Variants in ENOX2 observed in about 807,000 individuals in gnomAD.
The protein encoded by ENOX2 is ecto-NOX disulfide-thiol exchanger 2, also known as APK1 antigen.
ENOX2 carries 36 observed loss-of-function variants against 45.0 expected under a neutral mutation model. That is an observed-to-expected ratio of 0.80 (90% CI 0.61 to 1.06). The LOEUF is 1.06. Ranked by LOEUF, ENOX2 falls within the 50% of genes least tolerant of loss-of-function variation. The pLI is 0.00. For synonymous variants in ENOX2, 174 were observed against 152.3 expected (o/e 1.14, Z -1.05); for missense variants, 423 against 462.5 (o/e 0.91, Z 0.78).
intron 6 of ENOX2, 110 bp from the exon 7 acceptor site, chrX:130,670,308 C>A: frequency 1.8e-6 from 1 of 547,005 alleles, no homozygotes; most frequent in Non-Finnish European, 3.0e-6. Context: ...ACTATACATA[C>A]TTTTCCAAGT....
In ENOX2 at chrX:130,753,264, C is replaced by T; in HGVS notation, c.-39+30283G>A. 2.7e-5 allele frequency among the ~76,000 whole-genome samples: 3 copies of T among 109,887 alleles called. 1 individual carries two copies. The Middle Eastern group carries it at 0.014, about 509-fold the overall frequency. ...TCTATCTCTTCTGTTTCAGTGTGTC[C>T]CCATATCTCTCTCCTTGTTCCTCAC... On this transcript the variant is annotated intron_variant, in intron 3 of 14. Transcript: ENST00000394363.
At chrX:130,685,710 G>A (rs1312490486) in intron 5 of ENOX2, among the ~76,000 whole-genome samples, 1 of 111,978 alleles carries the variant, frequency 8.9e-6, no homozygotes, top group Non-Finnish European at 1.9e-5. Context: ...CCTTCCATGT[G>A]GAAGTGAACC....
intron 2 of ENOX2, among the ~76,000 whole-genome samples, chrX:130,863,154 T>G (rs1459537224): frequency 8.9e-6 from 1 of 112,381 alleles, no homozygotes; most frequent in Non-Finnish European, 1.9e-5. Context: ...GTTTTAATTA[T>G]GCATGTTTTC....
chrX:130,725,967 T>C (rs188338001), intron 3 of ENOX2, among the ~76,000 whole-genome samples: 1 of 112,065 alleles, frequency 8.9e-6, no homozygotes, highest in Non-Finnish European at 1.9e-5. Flanking sequence ...GGAAGTCAAA[T>C]CCTAGATTCT....
chrX:130,644,875 C>A (rs1451789642), intron 10 of ENOX2, among the ~76,000 whole-genome samples: 2 of 111,088 alleles, frequency 1.8e-5, no homozygotes, highest in Admixed American at 9.5e-5. Flanking sequence ...CAAGAATGAA[C>A]CCTAATGTAA....
chrX:130,694,825 A>G (rs1316849519), intron 4 of ENOX2, among the ~76,000 whole-genome samples: 1 of 108,462 alleles, frequency 9.2e-6, no homozygotes, highest in Non-Finnish European at 1.9e-5. Context: ...CTGGTCTCGA[A>G]CTCCTGATCT....
chrX:130,871,628 A>G (rs1194798036), intron 2 of ENOX2, among the ~76,000 whole-genome samples: 1 of 111,352 alleles, frequency 9.0e-6, no homozygotes, highest in African/African-American at 3.3e-5. Flanking sequence ...GGGCGAGGAC[A>G]AACAATCAAA....
chrX:130,718,283 C>T (rs1453425155), intron 3 of ENOX2, among the ~76,000 whole-genome samples: 1 of 111,786 alleles, frequency 8.9e-6, no homozygotes, highest in African/African-American at 3.3e-5. Flanking sequence ...ATTCGTTTAC[C>T]CAGAAGTTCA....
intron 2 of ENOX2, among the ~76,000 whole-genome samples, chrX:130,858,086 ACAGG>A (rs764005717): frequency 3.2e-3 from 342 of 108,502 alleles, no homozygotes; most frequent in African/African-American, 0.01. Flanking sequence ...TGGCTAGATG[ACAGG>A]TATACCTAAT....
chrX:130,752,167 TC>T (rs2039238011), intron 3 of ENOX2, among the ~76,000 whole-genome samples: 1 of 110,296 alleles, frequency 9.1e-6, no homozygotes, highest in Admixed American at 9.7e-5. Context: ...CCTTAACCTT[TC>T]TTTTTTAGTC....
At position 130,638,431 on chromosome X, in the gene ENOX2, A is replaced by AACACACACAC. The variant is rs34648095; in HGVS notation, c.1130-1031_1130-1022dup. 3.9e-3 allele frequency among the ~76,000 whole-genome samples: 359 copies of AACACACACAC among 92,771 alleles called. 3 individuals carry two copies. The highest frequency in any genetic ancestry group is 0.014 in the African/African-American group (346 of 25,277). The allele number at this position is 92,771 out of a possible 115,157, so 80.6% of individuals were successfully genotyped here. ...AAATAACTGTTAAACAACAATTTGAAACACACACACACACACACACACACA... is the reference window on the plus strand; with the variant it reads ...AAATAACTGTTAAACAACAATTTGAAACACACACACACACACACACACACACACACACACA... On this transcript the variant is annotated intron_variant, in intron 10 of 14. Coordinates refer to ENST00000394363, the MANE Select transcript of ENOX2 (RefSeq NM_006375.4).
At chrX:130,778,051 T>G (rs1023127075) in intron 3 of ENOX2, among the ~76,000 whole-genome samples, 1 of 111,909 alleles carries the variant, frequency 8.9e-6, no homozygotes, top group African/African-American at 3.2e-5. Flanking sequence ...TGGTGGCATT[T>G]TCTCTCTTTA....
chrX:130,749,653 C>G (rs1334655821), intron 3 of ENOX2, among the ~76,000 whole-genome samples: 1 of 110,714 alleles, frequency 9.0e-6, no homozygotes, highest in Admixed American at 9.7e-5. Context: ...CCCCAAGTCT[C>G]TACCATGATC....
intron 2 of ENOX2, among the ~76,000 whole-genome samples, chrX:130,839,806 T>A (rs1278066023): frequency 8.9e-6 from 1 of 112,078 alleles, no homozygotes; most frequent in Non-Finnish European, 1.9e-5. Context: ...CTGAGAACTA[T>A]ATTGCCCATG....
chrX:130,674,021 T>C lies in ENOX2; in HGVS notation c.461-3823A>G, dbSNP rs193151454. Among the ~76,000 whole-genome samples the C allele has an allele frequency of 4.3e-3, 488 of 112,241 alleles. 2 individuals are homozygous for C. The highest frequency in any genetic ancestry group is 0.015 in the African/African-American group (463 of 30,896). ...AATACTTTAAAATGTAAATGCAGGC[T>C]ATTATCCTAAGTGAAATAACTCAGA... On this transcript the variant is annotated intron_variant, in intron 6 of 14. Coordinates refer to ENST00000394363, the MANE Select transcript of ENOX2 (RefSeq NM_006375.4).
At chrX:130,816,556 A>C (rs1164782988) in intron 2 of ENOX2, among the ~76,000 whole-genome samples, 11 of 111,586 alleles carry the variant, frequency 9.9e-5, no homozygotes, top group Non-Finnish European at 1.1e-4. Context: ...AACAGAAATC[A>C]TAACAGTCTC....
intron 3 of ENOX2, among the ~76,000 whole-genome samples, chrX:130,738,934 T>C (rs1603336639): frequency 8.9e-6 from 1 of 111,917 alleles, no homozygotes; most frequent in South Asian, 3.8e-4. Flanking sequence ...CATCGGTCAA[T>C]TTTTAGATCA....
chrX:130,635,967 G>A (rs1008810919), intron 11 of ENOX2, among the ~76,000 whole-genome samples: 15 of 112,105 alleles, frequency 1.3e-4, no homozygotes, highest in Non-Finnish European at 2.6e-4. Context: ...CATGATTTTC[G>A]AATTGCATTT....
chrX:130,726,180 T>C (rs2038601064), intron 3 of ENOX2, among the ~76,000 whole-genome samples: 1 of 111,992 alleles, frequency 8.9e-6, no homozygotes, highest in Non-Finnish European at 1.9e-5. Context: ...AACCCACAAG[T>C]CTTTATTTGC....
Sources: gnomAD v4.1 joint callset for allele counts (sites outside exome capture counted in the v4.1 genomes callset) on GRCh38, gnomAD v4.1.1 for gene constraint, MANE v1.5 for transcripts, NCBI Gene and HGNC (gene_info 2026-07-23, HGNC 2026-07-21) for gene names.